FAM222A: variants seen among roughly 807,000 people sequenced by gnomAD.
FAM222A encodes protein FAM222A.
Under a neutral mutation model 25.8 loss-of-function variants are expected in FAM222A, and 7 were observed. The ratio of observed to expected loss-of-function variants is 0.27; its 90% CI spans 0.15 to 0.51. The LOEUF is 0.51. FAM222A is among the 20% of genes least tolerant of loss of function. The pLI is 0.97. For synonymous variants in FAM222A, 294 were observed against 298.8 expected (o/e 0.98, Z 0.17); for missense variants, 573 against 640.5 (o/e 0.89, Z 1.14).
chr12:109,724,970 C>A (rs775328610), intron 1 of FAM222A, among the ~76,000 whole-genome samples: 2 of 152,090 alleles, frequency 1.3e-5, no homozygotes, highest in Admixed American at 6.6e-5. Flanking sequence ...ATCCGGAAAC[C>A]ACCGTGCAAT....
Position 109,768,939 on chromosome 12 carries a change from C to A in FAM222A, c.1010C>A (p.Thr337Asn), listed in dbSNP as rs763547106. 1.9e-6 allele frequency: 3 copies of A among 1,574,700 alleles called. No homozygotes were observed. Among genetic ancestry groups the A allele is most frequent in the Non-Finnish European group, 1.7e-6 (2 of 1,166,980 alleles). ...SPLNCGVGLP[T>N]SFTVGQYFAA... ...CTCAACTGTGGCGTGGGGCTGCCCA[C>A]CAGCTTCACCGTAGGCCAGTACTTT... The change falls in exon 3 of 3, where the codon ACC (threonine) becomes AAC (asparagine). Residue 337 changes from threonine (T) to asparagine (N), a missense_variant. Coordinates refer to ENST00000538780, the MANE Select transcript of FAM222A (RefSeq NM_032829.3).
rs1300434402 is a variant in FAM222A, at chr12:109,721,028, A to C, written c.-47+6131A>C. On this transcript the variant is annotated intron_variant, in intron 1 of 2. Coordinates refer to ENST00000538780, the MANE Select transcript of FAM222A (RefSeq NM_032829.3). ...TTGAATACTTTTGCCTATTATGAGA[A>C]TCACAGGACACTGGTATCTGCTGTG... Among the ~76,000 whole-genome samples the C allele has an allele frequency of 3.9e-5, 6 of 152,232 alleles. No individual in the cohort carries two copies. In the East Asian group the frequency reaches 1.2e-3, roughly 29 times the overall value.
At chr12:109,749,860 T>C (rs1459548447) in intron 2 of FAM222A, among the ~76,000 whole-genome samples, 1 of 152,244 alleles carries the variant, frequency 6.6e-6, no homozygotes, top group African/African-American at 2.4e-5. Flanking sequence ...ACTTTATCTG[T>C]TAAAATGGTA....
intron 1 of FAM222A, among the ~76,000 whole-genome samples, chr12:109,720,776 T>C (rs10850607): frequency 0.14 from 20,902 of 152,016 alleles, 2,887 homozygotes; most frequent in East Asian, 0.43. Flanking sequence ...AGGCCTCGAG[T>C]GCACCCCCTC....
At chr12:109,743,191 A>G (rs1202955704) in intron 1 of FAM222A, among the ~76,000 whole-genome samples, 1 of 152,050 alleles carries the variant, frequency 6.6e-6, no homozygotes, top group Non-Finnish European at 1.5e-5. Context: ...GTAAGCTCCC[A>G]CCGCCACCCT....
rs769330810 is a variant in FAM222A, at chr12:109,769,172, G to C, written c.1243G>C (p.Asp415His). 6.2e-7 allele frequency: 1 copy of C among 1,612,480 alleles called. No homozygotes were observed. Among genetic ancestry groups the C allele is most frequent in the African/African-American group, 1.3e-5 (1 of 74,918 alleles). The stretch of plus-strand genomic sequence containing the variant: ...GCAGTCACTGGAGTATCTCATCAAC[G>C]ACATCCGGCCGCCCTGCATCAAGGA... ...SLQSLEYLINDIRPPCIKEQM... is the reference protein window; with the variant it reads ...SLQSLEYLINHIRPPCIKEQM... The change falls in exon 3 of 3, where the codon GAC becomes CAC. Residue 415 changes from aspartate to histidine, a missense_variant. Asp to His is a moderately conservative substitution (Grantham distance 81). This residue lies in a region of FAM222A where 49 missense variants were observed against 78.9 expected (regional missense o/e 0.62). Transcript: ENST00000538780.
chr12:109,744,489 G>A (rs1888337213), intron 2 of FAM222A: 1 of 985,154 alleles, frequency 1.0e-6, no homozygotes, highest in African/African-American at 1.7e-5. Flanking sequence ...CACCACCATC[G>A]CCATGCCCCA....
intron 2 of FAM222A, among the ~76,000 whole-genome samples, chr12:109,756,680 T>C (rs1009955543): frequency 6.6e-6 from 1 of 152,242 alleles, no homozygotes; most frequent in Admixed American, 6.5e-5. Flanking sequence ...GAACCAACCT[T>C]GCATTCCTGG....
intron 1 of FAM222A, among the ~76,000 whole-genome samples, chr12:109,729,484 C>G (rs1887902742): frequency 6.6e-6 from 1 of 152,208 alleles, no homozygotes; most frequent in Non-Finnish European, 1.5e-5. Context: ...AGGCAGGAGG[C>G]AGGGCCTGAG....
chr12:109,749,877 G>A (rs1258635876), intron 2 of FAM222A, among the ~76,000 whole-genome samples: 2 of 152,172 alleles, frequency 1.3e-5, no homozygotes, highest in Non-Finnish European at 2.9e-5. Context: ...GGTAATCGCT[G>A]CCTTTTAAAT....
chr12:109,765,924 G>A lies in FAM222A; in HGVS notation c.83-2088G>A, dbSNP rs373964980. On this transcript the variant is annotated intron_variant, in intron 2 of 2. Coordinates refer to ENST00000538780, the MANE Select transcript of FAM222A (RefSeq NM_032829.3). The stretch of plus-strand genomic sequence containing the variant: ...CCAGCTTTTGTTAACGCCATCTACC[G>A]CACATGACCCGTCAAACCCTCCCAG... Among the ~76,000 whole-genome samples, 13 of 152,114 alleles carry A rather than the reference G, an allele frequency of 8.5e-5. No homozygotes were observed. The South Asian group carries it at 1.7e-3, about 19-fold the overall frequency.
chr12:109,739,533 T>G (rs530805440), intron 1 of FAM222A, among the ~76,000 whole-genome samples: 1 of 152,348 alleles, frequency 6.6e-6, no homozygotes, highest in Admixed American at 6.5e-5. Flanking sequence ...GCTGGCCTCC[T>G]GATTTGCGCT....
Position 109,770,402 on chromosome 12 carries a change from T to A in FAM222A, c.*1114T>A, listed in dbSNP as rs184102037. ...TACAAATCTCTGAGAATGTTTTTTT[T>A]ATACTAAAATTGACCATTATATTCT... On this transcript the variant is annotated 3_prime_UTR_variant, in exon 3 of 3. Coordinates refer to ENST00000538780, the MANE Select transcript of FAM222A (RefSeq NM_032829.3). 34 of 152,758 alleles carry A rather than the reference T, an allele frequency of 2.2e-4. No individual in the cohort carries two copies. The highest frequency in any genetic ancestry group is 5.8e-4 in the East Asian group (3 of 5,194). 9.5% of individuals were successfully genotyped at this position (152,758 alleles called of 1,614,324 possible).
At position 109,765,716 on chromosome 12, in the gene FAM222A, T is replaced by C. The variant is rs113071072; in HGVS notation, c.83-2296T>C. On this transcript the variant is annotated intron_variant, in intron 2 of 2. Transcript: ENST00000538780. The stretch of plus-strand genomic sequence containing the variant: ...TGTCAGGGACGATGCTTTAGAAGGT[T>C]GGGACATGGCCAGCAGCCTTCTGAT... Among the ~76,000 whole-genome samples, 1,091 of 152,344 alleles carry C rather than the reference T, an allele frequency of 7.2e-3. 6 individuals are homozygous for C. The highest frequency in any genetic ancestry group is 0.012 in the Non-Finnish European group (810 of 68,032).
chr12:109,720,491 C>T (rs1350711929), intron 1 of FAM222A, among the ~76,000 whole-genome samples: 4 of 152,226 alleles, frequency 2.6e-5, no homozygotes, highest in African/African-American at 4.8e-5. Context: ...AATCCCCAGG[C>T]CTGAATGCAG....
intron 1 of FAM222A, among the ~76,000 whole-genome samples, chr12:109,716,399 A>C (rs1330619686): frequency 6.6e-6 from 1 of 152,244 alleles, no homozygotes; most frequent in African/African-American, 2.4e-5. Context: ...GGTCATTAGG[A>C]GAAGCCAGGC....
Position 109,721,288 on chromosome 12 carries a change from C to T in FAM222A, c.-47+6391C>T, listed in dbSNP as rs573772292. Among the ~76,000 whole-genome samples, 415 of 152,294 alleles carry T rather than the reference C, an allele frequency of 2.7e-3. 1 individual carries two copies. Among genetic ancestry groups the T allele is most frequent in the African/African-American group, 9.3e-3 (387 of 41,548 alleles). On this transcript the variant is annotated intron_variant, in intron 1 of 2. Coordinates refer to ENST00000538780, the MANE Select transcript of FAM222A (RefSeq NM_032829.3). ...CATGGTAGGATCCTCGGGCAGGGGC[C>T]GAGGGGACGCTGTTCTGGGCCAGCT...
intron 2 of FAM222A, among the ~76,000 whole-genome samples, chr12:109,760,390 G>A: frequency 6.6e-6 from 1 of 152,124 alleles, no homozygotes; most frequent in East Asian, 1.9e-4. Flanking sequence ...GAGAGAATGG[G>A]CCCGAGCCAC....
chr12:109,761,902 C>T (rs992201599), intron 2 of FAM222A, among the ~76,000 whole-genome samples: 2 of 152,116 alleles, frequency 1.3e-5, no homozygotes, highest in South Asian at 2.1e-4. Flanking sequence ...TGAAGCCTGC[C>T]GGTTTGCAGT....
Sources: gnomAD v4.1 joint callset for allele counts (sites outside exome capture counted in the v4.1 genomes callset) on GRCh38, gnomAD v4.1.1 for gene constraint, gnomAD v4.1.1 regional missense constraint, MANE v1.5 for transcripts, NCBI Gene and HGNC (gene_info 2026-07-23, HGNC 2026-07-21) for gene names.